Variants in ATP1A3 observed in about 807,000 individuals in gnomAD.
ATP1A3 encodes the protein ATPase Na+/K+ transporting subunit alpha 3, also known as sodium/potassium-transporting ATPase subunit alpha-3.
A neutral mutation model predicts 108.8 loss-of-function variants in ATP1A3; 12 were observed. The observed-to-expected ratio is 0.11, with a 90% confidence interval of 0.07 to 0.18. ATP1A3 has a LOEUF of 0.18. Ranked by LOEUF, ATP1A3 falls within the 10% of genes least tolerant of loss-of-function variation. ATP1A3 has a pLI of 1.00. For synonymous variants in ATP1A3, 539 were observed against 564.5 expected, an observed-to-expected ratio of 0.95 and a Z score of 0.64; for missense variants, 498 against 1,387.7, an observed-to-expected ratio of 0.36 and a Z score of 10.19.
chr19:41,975,888 C>T, intron 15 of ATP1A3, 91 bp from the exon 16 acceptor site: 1 of 1,548,626 alleles, frequency 6.5e-7, no homozygotes, highest in Non-Finnish European at 8.9e-7. Context: ...CAGCCCCCTC[C>T]TCCTTCAGAC....
intron 1 of ATP1A3, among the ~76,000 whole-genome samples, chr19:41,992,616 T>C (rs2075351118): frequency 6.6e-6 from 1 of 152,014 alleles, no homozygotes; most frequent in Non-Finnish European, 1.5e-5. Flanking sequence ...ATATCTGTCC[T>C]TGTGTCTCTT....
At position 41,969,459 on chromosome 19, in the gene ATP1A3, C is replaced by T. The variant is rs1555859291; in HGVS notation, c.2664G>A (p.Leu888=). Residue 888 remains leucine (L), a synonymous_variant, in exon 19 of 23, where the codon CTG becomes CTA. Coordinates refer to ENST00000648268, the MANE Select transcript of ATP1A3 (RefSeq NM_152296.5). Reference sequence around the variant, plus strand: ...CCCACTGCTGCCCGTAACTGTCTTCCAGGTCATTGACGGTGCGGTCATCCC... The same window carrying T: ...CCCACTGCTGCCCGTAACTGTCTTCTAGGTCATTGACGGTGCGGTCATCCC... ...LNWDDRTVND[L]EDSYGQQWTY... is the part of the protein sequence containing the mutation. The T allele has an allele frequency of 4.3e-6, 7 of 1,614,108 alleles. No homozygotes were observed. Among genetic ancestry groups the T allele is most frequent in the Admixed American group, 1.7e-5 (1 of 60,006 alleles).
At chr19:41,970,658 G>A in intron 16 of ATP1A3, 116 bp from the exon 17 acceptor site, 2 of 1,200,828 alleles carry the variant, frequency 1.7e-6, no homozygotes, top group Non-Finnish European at 1.1e-6. Flanking sequence ...TTGAGACAGA[G>A]TCTCGCTGTG....
rs1418015591 is a variant in ATP1A3 at position 41,990,000 on chromosome 19, T to C, written c.7-1438A>G. Among the ~76,000 whole-genome samples, 6 of 152,300 alleles carry C rather than the reference T, an allele frequency of 3.9e-5. 1 individual carries two copies. Among genetic ancestry groups the C allele is most frequent in the African/African-American group, 1.4e-4 (6 of 41,580 alleles). On this transcript the variant is annotated intron_variant, in intron 1 of 22. Transcript: ENST00000648268. ...TCTCTTGGCTGTGTCTCCCCAGGTC[T>C]GGCTGAGTTTCTGTCTCTCTGGGTT...
chr19:41,993,490 C>T, intron 1 of ATP1A3: 2 of 1,445,366 alleles, frequency 1.4e-6, no homozygotes, highest in Non-Finnish European at 1.9e-6. Flanking sequence ...GGCTGCGACA[C>T]TGCGGAGCCT....
chr19:41,978,996 TTTTTTTC>T lies in ATP1A3; in HGVS notation c.1438-205_1438-199del, dbSNP rs1297907063. On this transcript the variant is annotated intron_variant, in intron 11 of 22. Transcript: ENST00000648268. This position sits in a 1 kb window ranked among gnomAD's most constrained non-coding sequence, Gnocchi z 8.3. ...GGATATATATTTCTTTTTCTTTTTC[TTTTTTTC>T]TTTTTTCTTTTTTTTTTGAGACAGA... Among the ~76,000 whole-genome samples, 1 of 151,738 alleles carries T rather than the reference TTTTTTTC, an allele frequency of 6.6e-6. No homozygotes were observed. The highest frequency in any genetic ancestry group is 1.5e-5 in the Non-Finnish European group (1 of 67,998).
chr19:41,969,386 C>A, intron 19 of ATP1A3, 49 bp downstream of exon 19: 1 of 1,613,780 alleles, frequency 6.2e-7, no homozygotes, highest in Non-Finnish European at 8.5e-7. Flanking sequence ...GAACAGCTCA[C>A]CCCGGGGATC....
Position 41,977,938 on chromosome 19 carries a change from G to A in ATP1A3, c.1941C>T (p.Pro647=). The A allele has an allele frequency of 1.2e-6, 2 of 1,614,200 alleles. No individual in the cohort carries two copies. Among genetic ancestry groups the A allele is most frequent in the Non-Finnish European group, 1.7e-6 (2 of 1,180,026 alleles). ...CCTGGCTGGGATGGGTGGCTCACCG[G>A]GGGTTAACCTGGCTGACGGGAATGT... The part of the protein sequence containing the change: ...RLNIPVSQVN[P]RDAKACVIHG... Residue 647 remains proline, a splice_region_variant and synonymous_variant, in exon 14 of 23, where the codon CCC becomes CCT. Coordinates refer to ENST00000648268, the MANE Select transcript of ATP1A3 (RefSeq NM_152296.5).
intron 16 of ATP1A3, among the ~76,000 whole-genome samples, chr19:41,974,370 G>C (rs980555698): frequency 6.6e-6 from 1 of 152,150 alleles, no homozygotes; most frequent in African/African-American, 2.4e-5. Context: ...TTAAGTCCCG[G>C]AGGTGGAGGC....
chr19:41,966,801 T>C lies in ATP1A3; in HGVS notation c.*136A>G, dbSNP rs868966883. 32 of 1,005,142 alleles carry C rather than the reference T, an allele frequency of 3.2e-5. No homozygotes were observed. The highest frequency in any genetic ancestry group is 4.1e-5 in the Non-Finnish European group (31 of 764,234). 62.3% of individuals were successfully genotyped at this position (1,005,142 alleles called of 1,614,324 possible). Reference sequence around the variant, plus strand: ...CCAGAGTGGGGGCGGCAGGAGATAGTGGAGGGGGTGGGGGCCAAGGTGGGG... The same window carrying C: ...CCAGAGTGGGGGCGGCAGGAGATAGCGGAGGGGGTGGGGGCCAAGGTGGGG... On this transcript the variant is annotated 3_prime_UTR_variant, in exon 23 of 23. Transcript: ENST00000648268.
chr19:41,994,230 TGCG>T (rs1468797449), upstream of ATP1A3: 1 of 678,998 alleles, frequency 1.5e-6, no homozygotes, highest in Non-Finnish European at 2.2e-6. Flanking sequence ...GCACAGAGGC[TGCG>T]GCGGCCGCCG....
In ATP1A3 at chr19:41,981,562, C is replaced by T. The variant is rs1190869292; in HGVS notation, c.1377G>A (p.Leu459=). The change falls in exon 11 of 23, where the codon CTG becomes CTA. Residue 459 remains leucine (L), a synonymous_variant. Transcript: ENST00000648268. This position sits in a 1 kb window ranked among gnomAD's most constrained non-coding sequence, Gnocchi z 5.0. ...CCACTTTCTTGTTGCGTTCACGCATCAGCTTCACGGAGCCAGAGGACAGCT... is the reference window on the plus strand; with the variant it reads ...CCACTTTCTTGTTGCGTTCACGCATTAGCTTCACGGAGCCAGAGGACAGCT... The part of the protein sequence containing the change: ...CIELSSGSVK[L]MRERNKKVAE... 2.5e-6 allele frequency: 4 copies of T among 1,614,072 alleles called. No homozygotes were observed. The African/African-American group carries it at 5.3e-5, about 22-fold the overall frequency.
rs1237220304 is a variant in ATP1A3, at chr19:41,967,829, G to A, written c.2820-66C>T. 2 of 1,429,994 alleles carry A rather than the reference G, an allele frequency of 1.4e-6. No homozygotes were observed. Among genetic ancestry groups the A allele is most frequent in the African/African-American group, 2.8e-5 (2 of 71,104 alleles). The allele number at this position is 1,429,994 out of a possible 1,614,324, so 88.6% of individuals were successfully genotyped here. On this transcript the variant is annotated intron_variant, in intron 20 of 22. Coordinates refer to ENST00000648268, the MANE Select transcript of ATP1A3 (RefSeq NM_152296.5). The surrounding 1 kb of genome is among the most constrained non-coding windows in gnomAD (Gnocchi z 4.2). ...CACCCTGCACCTGCCACCCCGCAGA[G>A]ACAGGGGGAGGCACAGTGCAGACAC...
intron 8 of ATP1A3, among the ~76,000 whole-genome samples, chr19:41,983,995 G>A (rs1466834938): frequency 2.6e-5 from 4 of 151,516 alleles, no homozygotes; most frequent in African/African-American, 7.3e-5. Context: ...GTCTGGTCTC[G>A]AACTCCTGAC....
At chr19:41,975,861 C>T in intron 15 of ATP1A3, 64 bp from the exon 16 acceptor site, 1 of 1,604,788 alleles carries the variant, frequency 6.2e-7, no homozygotes, top group Non-Finnish European at 8.5e-7. Context: ...TCCCTCAGAT[C>T]CAGAAGCCCA....
At chr19:41,969,351 C>T (rs1396422282) in intron 19 of ATP1A3, 84 bp downstream of exon 19, 18 of 1,597,536 alleles carry the variant, frequency 1.1e-5, no homozygotes, top group Admixed American at 6.7e-5. Context: ...AGGGGGCCAT[C>T]GTAGGAAGTG....
intron 16 of ATP1A3, among the ~76,000 whole-genome samples, chr19:41,972,867 A>G (rs560612877): frequency 2.3e-5 from 3 of 129,994 alleles, no homozygotes; most frequent in African/African-American, 9.8e-5. Context: ...GGAAAGAAGG[A>G]AGGAAGGCAG....
chr19:41,967,208 T>C lies in ATP1A3; in HGVS notation c.3013+41A>G, dbSNP rs782201260. 5.0e-6 allele frequency: 8 copies of C among 1,613,370 alleles called. No homozygotes were observed. In the African/African-American group the frequency reaches 5.3e-5, roughly 11 times the overall value. ...TGGGACCAGCTGCCTGAGACCCTGC[T>C]GCCCCCCGCCCCCCTCGGCTGCCTT... On this transcript the variant is annotated intron_variant, in intron 22 of 22. Transcript: ENST00000648268. The surrounding 1 kb of genome is among the most constrained non-coding windows in gnomAD (Gnocchi z 4.2).
At chr19:41,977,066 C>T (rs2075178772) in intron 14 of ATP1A3, among the ~76,000 whole-genome samples, 1 of 151,626 alleles carries the variant, frequency 6.6e-6, no homozygotes, top group African/African-American at 2.4e-5. Flanking sequence ...CCTCGGCCTC[C>T]CAAAATGCTG....
Sources: allele counts gnomAD v4.1 joint callset (sites outside exome capture counted in the v4.1 genomes callset), GRCh38; gene constraint gnomAD v4.1.1; non-coding constraint Gnocchi (gnomAD v3.1); transcripts MANE v1.5; gene names NCBI Gene and HGNC (gene_info 2026-07-23, HGNC 2026-07-21).